The following ANK3 variants were observed in gnomAD, a reference collection of about 807,000 sequenced individuals.
The protein encoded by ANK3 is ankyrin-3.
ANK3 carries 57 observed loss-of-function variants against 370.9 expected under a neutral mutation model. The observed-to-expected ratio is 0.15, with a 90% CI of 0.12 to 0.19. ANK3 has a LOEUF of 0.19. Among genes scored for constraint, ANK3 ranks in the 10% least tolerant of loss-of-function variants. ANK3 has a pLI of 1.00. For missense variants in ANK3, 4,439 were observed against 5,302.1 expected, an observed-to-expected ratio of 0.84 and a Z score of 5.06; for synonymous variants, 1,929 against 1,946.3, an observed-to-expected ratio of 0.99 and a Z score of 0.23.
chr10:60,535,791 T>C (rs1257708510), intron 2 of ANK3, among the ~76,000 whole-genome samples: 1 of 151,968 alleles, frequency 6.6e-6, no homozygotes, highest in African/African-American at 2.4e-5. Flanking sequence ...AGATAAAAAG[T>C]AGATCTATAG....
At position 60,352,370 on chromosome 10, in the gene ANK3, G is replaced by A. The variant is rs148445073; in HGVS notation, c.114+37055C>T. Among the ~76,000 whole-genome samples, 4 of 152,168 alleles carry A rather than the reference G, an allele frequency of 2.6e-5. No homozygotes were observed. In the East Asian group the frequency reaches 7.7e-4, roughly 29 times the overall value. On this transcript the variant is annotated intron_variant, in intron 1 of 43. Transcript: ENST00000280772. ...TGTGATAATAAAGTCCTTGCTGAAG[G>A]TTTGCCTTTGGACTTCATTCACTCA...
intron 2 of ANK3, among the ~76,000 whole-genome samples, chr10:60,452,416 C>T (rs887666460): frequency 6.6e-5 from 10 of 152,328 alleles, no homozygotes; most frequent in African/African-American, 2.4e-4. Flanking sequence ...GCTGCTCCCA[C>T]CTCAGCCTCC....
intron 42 of ANK3, chr10:60,044,733 T>C (rs1360006608): frequency 6.6e-6 from 1 of 152,208 alleles, no homozygotes; most frequent in Non-Finnish European, 1.5e-5. Flanking sequence ...ACCGAATCTC[T>C]AGAGATTTTT....
At chr10:60,139,488 C>T (rs1256337466) in intron 23 of ANK3, 2 of 164,714 alleles carry the variant, frequency 1.2e-5, no homozygotes, top group African/African-American at 4.8e-5. Context: ...CTCTTCATTA[C>T]TGTTCTTGAA....
At chr10:60,397,781 TA>T (rs936041629) in intron 2 of ANK3, among the ~76,000 whole-genome samples, 2 of 152,246 alleles carry the variant, frequency 1.3e-5, no homozygotes, top group Non-Finnish European at 2.9e-5. Flanking sequence ...CAAGAACGAT[TA>T]AAGTTTGAAT....
chr10:60,617,877 C>T (rs1386928990), intron 1 of ANK3, among the ~76,000 whole-genome samples: 51 of 152,012 alleles, frequency 3.4e-4, no homozygotes, highest in Admixed American at 3.3e-3. Context: ...TTACATAGGC[C>T]AGAATTTCCA....
chr10:60,038,863 G>T (rs992306494), intron 43 of ANK3, among the ~76,000 whole-genome samples: 11 of 152,116 alleles, frequency 7.2e-5, no homozygotes, highest in African/African-American at 2.7e-4. Context: ...CCACCTCAGG[G>T]TGCTTGCACA....
At chr10:60,332,234 T>C (rs1403702272) in intron 1 of ANK3, among the ~76,000 whole-genome samples, 2 of 152,176 alleles carry the variant, frequency 1.3e-5, no homozygotes, top group Admixed American at 6.6e-5. Flanking sequence ...GAGAAAAGTA[T>C]AAAGAAGCAA....
At position 60,234,752 on chromosome 10, in the gene ANK3, C is replaced by G. The variant is rs745604506; in HGVS notation, c.833G>C (p.Arg278Thr). The change falls in exon 8 of 44, where the codon AGA becomes ACA. Residue 278 changes from arginine (R) to threonine (T), a missense_variant. Arg to Thr is a moderately conservative substitution (Grantham distance 71). This residue lies in a region of ANK3 where 227 missense variants were observed against 377.6 expected (regional missense o/e 0.60). Coordinates refer to ENST00000280772, the MANE Select transcript of ANK3 (RefSeq NM_020987.5). ...TAGTTTTACCATATTTGCATTTCCT[C>G]TTTTTGATGCAACATGTAAAGGAGT... ...DITPLHVASK[R>T]GNANMVKLLL... The G allele has an allele frequency of 2.5e-6, 4 of 1,613,098 alleles. No homozygotes were observed. The highest frequency in any genetic ancestry group is 3.4e-6 in the Non-Finnish European group (4 of 1,179,218).
At chr10:60,055,470 C>CT (rs149397890) in intron 42 of ANK3, among the ~76,000 whole-genome samples, 188 bp downstream of exon 42, 4,166 of 150,232 alleles carry the variant, frequency 0.028, 181 homozygotes, top group African/African-American at 0.096. Flanking sequence ...TTACTTGGAA[C>CT]TTTTTTTTTT....
At chr10:60,193,120 T>C (rs2096523672) in intron 16 of ANK3, among the ~76,000 whole-genome samples, 1 of 152,226 alleles carries the variant, frequency 6.6e-6, no homozygotes, top group African/African-American at 2.4e-5. Context: ...ACCCAGGCTC[T>C]TATGGAGGCA....
chr10:60,449,535 T>C (rs942530156), intron 2 of ANK3, among the ~76,000 whole-genome samples: 4 of 152,174 alleles, frequency 2.6e-5, no homozygotes, highest in Non-Finnish European at 5.9e-5. Context: ...CATTAAAAAA[T>C]ATTCAGATTG....
chr10:60,080,970 A>G (rs1202075938), intron 35 of ANK3, among the ~76,000 whole-genome samples: 2 of 152,254 alleles, frequency 1.3e-5, no homozygotes. Context: ...AGAAAGGCAC[A>G]CAAAGTTTAT....
At chr10:60,583,787 T>G (rs1291389355) in intron 2 of ANK3, among the ~76,000 whole-genome samples, 2 of 152,152 alleles carry the variant, frequency 1.3e-5, no homozygotes, top group African/African-American at 4.8e-5. Context: ...GGTTTCACTA[T>G]GTTGGCCAGA....
intron 1 of ANK3, among the ~76,000 whole-genome samples, chr10:60,291,701 T>C (rs558411588): frequency 1.4e-4 from 21 of 152,180 alleles, no homozygotes; most frequent in Non-Finnish European, 2.8e-4. Context: ...AAAAGAAGTA[T>C]AGCCCTTTAT....
chr10:60,105,630 CT>C (rs1179808077), intron 28 of ANK3, among the ~76,000 whole-genome samples: 1 of 152,064 alleles, frequency 6.6e-6, no homozygotes, highest in Admixed American at 6.5e-5. Flanking sequence ...TCATTTTTGA[CT>C]TAGAAAACTT....
At chr10:60,710,012 T>C (rs2079680740) in intron 1 of ANK3, among the ~76,000 whole-genome samples, 1 of 152,146 alleles carries the variant, frequency 6.6e-6, no homozygotes, top group African/African-American at 2.4e-5. Context: ...GCAACTCAAC[T>C]TTTTCTTTTG....
Position 60,186,826 on chromosome 10 carries a change from G to T in ANK3, c.1974C>A (p.Asn658Lys). 1.2e-6 allele frequency: 2 copies of T among 1,614,180 alleles called. No homozygotes were observed. Among genetic ancestry groups the T allele is most frequent in the African/African-American group, 1.3e-5 (1 of 75,046 alleles). ...TTLLEYGADA[N>K]AVTRQGIASV... ...AAGCAATTCCTTGCCGGGTAACTGCGTTGGCATCAGCACCATATTCCAGCA... is the reference window on the plus strand; with the variant it reads ...AAGCAATTCCTTGCCGGGTAACTGCTTTGGCATCAGCACCATATTCCAGCA... Residue 658 changes from asparagine to lysine, a missense_variant, in exon 17 of 44, where the codon AAC (asparagine) becomes AAA (lysine). Coordinates refer to ENST00000280772, the MANE Select transcript of ANK3 (RefSeq NM_020987.5).
intron 36 of ANK3, 103 bp downstream of exon 36, chr10:60,080,434 C>G: frequency 1.0e-6 from 1 of 979,852 alleles, no homozygotes. Context: ...GGCAATTTTT[C>G]TTTTGCCATT....
Sources: gnomAD v4.1 joint callset for allele counts (sites outside exome capture counted in the v4.1 genomes callset) on GRCh38, gnomAD v4.1.1 for gene constraint, gnomAD v4.1.1 regional missense constraint, MANE v1.5 for transcripts, NCBI Gene and HGNC (gene_info 2026-07-23, HGNC 2026-07-21) for gene names.